The following CALN1 variants were observed in gnomAD, a reference collection of about 807,000 sequenced individuals.
CALN1 encodes the protein calneuron 1.
Under a neutral mutation model 30.6 loss-of-function variants are expected in CALN1, and 17 were observed. The ratio of observed to expected loss-of-function variants is 0.56; its 90% CI spans 0.38 to 0.83. CALN1 has a LOEUF of 0.83. Ranked by LOEUF, CALN1 falls within the 40% of genes least tolerant of loss-of-function variation. The probability of loss-of-function intolerance (pLI) is 0.00; values close to 1 mark genes in which losing one functional copy is unlikely to be tolerated. For synonymous variants in CALN1, 156 were observed against 131.4 expected, an observed-to-expected ratio of 1.19 and a Z score of -1.28; for missense variants, 291 against 354.9, an observed-to-expected ratio of 0.82 and a Z score of 1.45.
chr7:72,484,153 G>T, the CALN1 span, among the ~76,000 whole-genome samples: 1 of 151,990 alleles, frequency 6.6e-6, no homozygotes, highest in Non-Finnish European at 1.5e-5. Flanking sequence ...TTCTCATTAT[G>T]GGTCATATTT....
At chr7:72,214,343 G>C (rs1792617930) in intron 3 of CALN1, among the ~76,000 whole-genome samples, 1 of 152,034 alleles carries the variant, frequency 6.6e-6, no homozygotes, top group Non-Finnish European at 1.5e-5. Context: ...AGCTGGGTGT[G>C]GTGGCACACG....
intron 3 of CALN1, among the ~76,000 whole-genome samples, chr7:72,215,521 G>C (rs1792730767): frequency 7.0e-6 from 1 of 143,874 alleles, no homozygotes; most frequent in Non-Finnish European, 1.5e-5. Context: ...TTGAACCCAA[G>C]AAGCAGAGGT....
intron 3 of CALN1, among the ~76,000 whole-genome samples, chr7:72,242,963 CAA>C (rs1794935117): frequency 6.6e-6 from 1 of 152,078 alleles, no homozygotes; most frequent in Admixed American, 6.5e-5. Flanking sequence ...CTAAAGTTAG[CAA>C]AGACATTTGA....
intron 5 of CALN1, among the ~76,000 whole-genome samples, chr7:71,861,004 G>A (rs752945929): frequency 8.5e-5 from 13 of 152,128 alleles, no homozygotes; most frequent in Non-Finnish European, 1.9e-4. Flanking sequence ...AACTTAACAT[G>A]TGTGGGTCTT....
intron 3 of CALN1, among the ~76,000 whole-genome samples, chr7:72,253,684 A>G (rs1795717755): frequency 6.6e-6 from 1 of 152,224 alleles, no homozygotes; most frequent in African/African-American, 2.4e-5. Context: ...CTCTCCCTGG[A>G]CATGTGGGGA....
chr7:72,343,329 T>C (rs984824685), intron 2 of CALN1, among the ~76,000 whole-genome samples: 3 of 152,052 alleles, frequency 2.0e-5, no homozygotes, highest in Non-Finnish European at 2.9e-5. Context: ...GGTGGATCAC[T>C]TGAGGTCAGG....
intron 1 of CALN1, among the ~76,000 whole-genome samples, chr7:72,425,016 C>T (rs907545236): frequency 6.6e-6 from 1 of 152,178 alleles, no homozygotes; most frequent in Non-Finnish European, 1.5e-5. Flanking sequence ...AATCAATCCA[C>T]AGGCTCTAGG....
In CALN1 at chr7:71,815,520, T is replaced by C. The variant is rs116447057; in HGVS notation, c.502-5028A>G. Among the ~76,000 whole-genome samples, 458 of 152,260 alleles carry C rather than the reference T, an allele frequency of 3.0e-3. 4 individuals carry two copies. Among genetic ancestry groups the C allele is most frequent in the African/African-American group, 9.4e-3 (392 of 41,560 alleles). ...GACCTAGGAATTCAACCTGAGTAGA[T>C]CCTCAACCATCCCACAAAGGACGCG... On this transcript the variant is annotated intron_variant, in intron 5 of 6. Transcript: ENST00000395275.
chr7:71,801,428 G>GTC, intron 6 of CALN1, among the ~76,000 whole-genome samples: 1 of 87,728 alleles, frequency 1.1e-5, no homozygotes, highest in Non-Finnish European at 2.2e-5. Context: ...ATGTATGTAT[G>GTC]TATCTATCTA....
chr7:72,151,128 G>A (rs1787211088), intron 3 of CALN1, among the ~76,000 whole-genome samples: 1 of 152,142 alleles, frequency 6.6e-6, no homozygotes, highest in Non-Finnish European at 1.5e-5. Flanking sequence ...CACAGGCCAG[G>A]TGGCTTCAAC....
chr7:72,380,803 T>C (rs1433407401), intron 2 of CALN1, among the ~76,000 whole-genome samples: 1 of 152,118 alleles, frequency 6.6e-6, no homozygotes, highest in African/African-American at 2.4e-5. Flanking sequence ...TATAAAGCCA[T>C]GGCACTCCAG....
At chr7:72,054,407 A>ATATATACG (rs1554425361) in intron 4 of CALN1, among the ~76,000 whole-genome samples, 25 of 91,936 alleles carry the variant, frequency 2.7e-4, no homozygotes, top group African/African-American at 1.1e-3. Context: ...ATGTACATAT[A>ATATATACG]TATATATATA....
chr7:72,076,617 A>C (rs913267757), intron 4 of CALN1, among the ~76,000 whole-genome samples: 7 of 81,590 alleles, frequency 8.6e-5, no homozygotes, highest in Admixed American at 6.5e-4. Context: ...AAAGCAAAAA[A>C]AAAAAAAAAA....
intron 4 of CALN1, among the ~76,000 whole-genome samples, chr7:72,032,276 G>A (rs1801504744): frequency 6.7e-6 from 1 of 149,790 alleles, no homozygotes; most frequent in African/African-American, 2.5e-5. Context: ...TCGATCTCCT[G>A]ACCTCGTGAT....
chr7:72,069,675 T>G (rs1229027680), intron 4 of CALN1, among the ~76,000 whole-genome samples: 1 of 152,060 alleles, frequency 6.6e-6, no homozygotes, highest in Non-Finnish European at 1.5e-5. Context: ...CCCAAATCCT[T>G]AACTTAAAAA....
intron 5 of CALN1, among the ~76,000 whole-genome samples, chr7:71,952,458 G>T (rs185725187): frequency 1.4e-4 from 21 of 152,316 alleles, no homozygotes; most frequent in African/African-American, 5.1e-4. Context: ...ACAAGGACTC[G>T]GCTCTGGGTG....
chr7:72,324,915 G>C, intron 2 of CALN1, among the ~76,000 whole-genome samples: 1 of 152,180 alleles, frequency 6.6e-6, no homozygotes, highest in Non-Finnish European at 1.5e-5. Context: ...ACTACCCTTT[G>C]AGGGTTCCAG....
chr7:72,334,276 C>CT (rs1801859357), intron 2 of CALN1, among the ~76,000 whole-genome samples: 1 of 152,186 alleles, frequency 6.6e-6, no homozygotes, highest in Non-Finnish European at 1.5e-5. Context: ...CCAGCAAACA[C>CT]TGCATAGGTG....
intron 2 of CALN1, among the ~76,000 whole-genome samples, chr7:72,374,545 A>G (rs1294458866): frequency 1.5e-5 from 2 of 131,758 alleles, no homozygotes; most frequent in Non-Finnish European, 3.6e-5. Flanking sequence ...AAAAAAAAAA[A>G]AAGGAAAAAA....
Sources: allele counts gnomAD v4.1 joint callset (sites outside exome capture counted in the v4.1 genomes callset), GRCh38; gene constraint gnomAD v4.1.1; transcripts MANE v1.5; gene names NCBI Gene and HGNC (gene_info 2026-07-23, HGNC 2026-07-21).